UBE2H: variants seen among roughly 807,000 people sequenced by gnomAD.
UBE2H encodes ubiquitin conjugating enzyme E2 H.
UBE2H carries 3 observed loss-of-function variants against 29.0 expected under a neutral mutation model. That is an observed-to-expected ratio of 0.10 (90% CI 0.05 to 0.27). UBE2H has a LOEUF of 0.27. Ranked by LOEUF, UBE2H falls within the 10% of genes least tolerant of loss-of-function variation. The pLI is 1.00. For synonymous variants in UBE2H, 69 were observed against 82.9 expected (o/e 0.83, Z 0.91); for missense variants, 68 against 228.2 (o/e 0.30, Z 4.52).
chr7:129,945,746 T>TC (rs1303937306), intron 1 of UBE2H, among the ~76,000 whole-genome samples: 1 of 146,786 alleles, frequency 6.8e-6, no homozygotes, highest in African/African-American at 2.6e-5. Context: ...ATGAGCTACT[T>TC]TTTTTTTTTT....
intron 1 of UBE2H, among the ~76,000 whole-genome samples, chr7:129,892,298 C>A (rs1420336753): frequency 6.6e-6 from 1 of 151,302 alleles, no homozygotes. Context: ...ATCGCACAGG[C>A]TGGTGTGCGG....
chr7:129,890,511 C>A (rs1463155591), intron 1 of UBE2H, among the ~76,000 whole-genome samples: 1 of 151,982 alleles, frequency 6.6e-6, no homozygotes, highest in Non-Finnish European at 1.5e-5. Flanking sequence ...TCCCAAGCAG[C>A]CGGGATTACA....
At chr7:129,873,822 C>T (rs1189483366) in intron 3 of UBE2H, among the ~76,000 whole-genome samples, 1 of 152,118 alleles carries the variant, frequency 6.6e-6, no homozygotes, top group African/African-American at 2.4e-5. Flanking sequence ...TCAGCAGTCC[C>T]TCCAGAATCC....
At chr7:129,849,434 C>T (rs1010171966) in intron 5 of UBE2H, among the ~76,000 whole-genome samples, 6 of 151,910 alleles carry the variant, frequency 3.9e-5, no homozygotes, top group Non-Finnish European at 7.4e-5. Context: ...AAAAATTAGT[C>T]GGGTTTGGTG....
At chr7:129,929,225 G>A (rs1024528663) in intron 1 of UBE2H, among the ~76,000 whole-genome samples, 2 of 151,502 alleles carry the variant, frequency 1.3e-5, no homozygotes, top group Admixed American at 6.6e-5. Flanking sequence ...GCCGAGGCAG[G>A]AGAATCACTT....
chr7:129,885,401 T>C (rs1278481991), intron 1 of UBE2H, among the ~76,000 whole-genome samples: 2 of 152,240 alleles, frequency 1.3e-5, no homozygotes. Flanking sequence ...TTTAATCATT[T>C]AAAATTACGA....
chr7:129,929,365 T>C (rs1293454360), intron 1 of UBE2H, among the ~76,000 whole-genome samples: 1 of 151,140 alleles, frequency 6.6e-6, no homozygotes, highest in Non-Finnish European at 1.5e-5. Flanking sequence ...CCATATCCCG[T>C]AGCTCAAGAA....
chr7:129,835,463 A>G (rs955601858), intron 6 of UBE2H, among the ~76,000 whole-genome samples: 2 of 152,140 alleles, frequency 1.3e-5, no homozygotes, highest in Non-Finnish European at 2.9e-5. Context: ...TCATTTTTAG[A>G]TCTGCAGTTA....
At chr7:129,858,879 A>C in intron 4 of UBE2H, 23 bp downstream of exon 4, 1 of 1,602,060 alleles carries the variant, frequency 6.2e-7, no homozygotes, top group Non-Finnish European at 8.5e-7. Context: ...CTAAAATTGA[A>C]ACATTTTAAA....
intron 1 of UBE2H, among the ~76,000 whole-genome samples, chr7:129,944,671 G>A (rs539674548): frequency 1.3e-5 from 2 of 151,894 alleles, no homozygotes; most frequent in South Asian, 2.1e-4. Context: ...CTGGGCAACA[G>A]AGTGAAATCC....
intron 5 of UBE2H, among the ~76,000 whole-genome samples, chr7:129,851,755 T>A (rs1343725178): frequency 6.6e-6 from 1 of 152,194 alleles, no homozygotes; most frequent in Admixed American, 6.5e-5. Context: ...GTGTGGTATT[T>A]TTAATGAATG....
chr7:129,910,494 T>C (rs1316888358), intron 1 of UBE2H, among the ~76,000 whole-genome samples: 2 of 152,166 alleles, frequency 1.3e-5, no homozygotes, highest in Non-Finnish European at 2.9e-5. Context: ...AAACTGACTT[T>C]TAAACCAAGA....
chr7:129,832,879 C>G lies in UBE2H; in HGVS notation c.*2058G>C, dbSNP rs1805256007. 1 of 152,124 alleles carries G rather than the reference C, an allele frequency of 6.6e-6. No homozygotes were observed. The highest frequency in any genetic ancestry group is 2.4e-5 in the African/African-American group (1 of 41,390). 9.4% of individuals were successfully genotyped at this position (152,124 alleles called of 1,614,324 possible). ...CCTAAATAGCACCTACAATAAATGT[C>G]ATAGCACAAGCAAACTGCAAAGTCA... On this transcript the variant is annotated 3_prime_UTR_variant, in exon 7 of 7. Transcript: ENST00000355621.
At position 129,833,777 on chromosome 7, in the gene UBE2H, T is replaced by C. The variant is rs1040695499; in HGVS notation, c.*1160A>G. 3.9e-5 allele frequency: 6 copies of C among 152,004 alleles called. No homozygotes were observed. The highest frequency in any genetic ancestry group is 1.4e-4 in the African/African-American group (6 of 41,462). 9.4% of individuals were successfully genotyped at this position (152,004 alleles called of 1,614,324 possible). ...TTTTAAATTTAGAACCTGTGTTGGG[T>C]CTAAAATACCCATTTCCCACTCCCA... On this transcript the variant is annotated 3_prime_UTR_variant, in exon 7 of 7. Transcript: ENST00000355621.
intron 5 of UBE2H, chr7:129,857,126 A>C (rs1805720222): frequency 6.0e-6 from 1 of 165,674 alleles, no homozygotes; most frequent in Non-Finnish European, 1.3e-5. Context: ...TTACTATATC[A>C]TTGCTCTCTC....
At chr7:129,914,230 C>T (rs1377218144) in intron 1 of UBE2H, among the ~76,000 whole-genome samples, 1 of 151,732 alleles carries the variant, frequency 6.6e-6, no homozygotes, top group African/African-American at 2.4e-5. Flanking sequence ...TGCAGAGGTG[C>T]AATTTTGGCT....
intron 1 of UBE2H, chr7:129,948,862 T>C (rs1807817002): frequency 3.2e-6 from 1 of 310,532 alleles, no homozygotes; most frequent in Non-Finnish European, 6.6e-6. Flanking sequence ...TCTTCTCTTT[T>C]TACCCCTCGA....
In UBE2H at chr7:129,831,793, G is replaced by A. The variant is rs1805232818; in HGVS notation, c.*3144C>T. The A allele has an allele frequency of 6.6e-6, 1 of 152,378 alleles. No homozygotes were observed. Among genetic ancestry groups the A allele is most frequent in the South Asian group, 2.1e-4 (1 of 4,830 alleles). The allele number at this position is 152,378 out of a possible 1,614,324, so 9.4% of individuals were successfully genotyped here. On this transcript the variant is annotated 3_prime_UTR_variant, in exon 7 of 7. Coordinates refer to ENST00000355621, the MANE Select transcript of UBE2H (RefSeq NM_003344.4). Reference sequence around the variant, plus strand: ...CCCGGTGCTGGGGCTTCCAGAGGGAGCCCAAGGGTGGTGGATTCAATGTTG... The same window carrying A: ...CCCGGTGCTGGGGCTTCCAGAGGGAACCCAAGGGTGGTGGATTCAATGTTG...
chr7:129,878,117 G>T (rs532993544), intron 3 of UBE2H, among the ~76,000 whole-genome samples: 24 of 152,144 alleles, frequency 1.6e-4, no homozygotes, highest in Middle Eastern at 3.2e-3. Flanking sequence ...ATAAACTGGG[G>T]ACAGGGAACC....
Sources: gnomAD v4.1 joint callset for allele counts (sites outside exome capture counted in the v4.1 genomes callset) on GRCh38, gnomAD v4.1.1 for gene constraint, MANE v1.5 for transcripts, NCBI Gene and HGNC (gene_info 2026-07-23, HGNC 2026-07-21) for gene names.